SEC24D: variants seen among roughly 807,000 people sequenced by gnomAD.
SEC24D encodes the protein protein transport protein Sec24D.
A neutral mutation model predicts 116.9 loss-of-function variants in SEC24D; 69 were observed. The ratio of observed to expected loss-of-function variants is 0.59; its 90% CI spans 0.49 to 0.72. The LOEUF (loss-of-function observed/expected upper bound fraction) is 0.72. SEC24D is among the 30% of genes least tolerant of loss of function. The pLI, the probability that SEC24D is intolerant of heterozygous loss-of-function variation, is 0.00. For missense variants in SEC24D, 1,131 were observed against 1,264.1 expected, an observed-to-expected ratio of 0.89 and a Z score of 1.60; for synonymous variants, 405 against 442.8, an observed-to-expected ratio of 0.91 and a Z score of 1.07.
chr4:118,834,409 G>A (rs114019902), intron 1 of SEC24D, among the ~76,000 whole-genome samples: 6,649 of 152,112 alleles, frequency 0.044, 200 homozygotes, highest in Non-Finnish European at 0.064. Context: ...CCTATATTTA[G>A]GGGACTAAGG....
At chr4:118,744,226 T>C (rs148258805) in intron 14 of SEC24D, 68 bp from the exon 15 acceptor site, 1 of 1,348,180 alleles carries the variant, frequency 7.4e-7, no homozygotes, top group Admixed American at 2.8e-5. Context: ...AAATTTTAAA[T>C]TTCTATTGAA....
At chr4:118,791,806 G>A (rs1228400252) in intron 8 of SEC24D, among the ~76,000 whole-genome samples, 4 of 152,156 alleles carry the variant, frequency 2.6e-5, no homozygotes, top group African/African-American at 4.8e-5. Flanking sequence ...GATTGCAGAC[G>A]GAGTCTCGCT....
chr4:118,816,079 G>A (rs922934763), intron 4 of SEC24D, among the ~76,000 whole-genome samples: 2 of 141,926 alleles, frequency 1.4e-5, no homozygotes, highest in Admixed American at 7.4e-5. Context: ...ACACCACCAC[G>A]CCAAGTTCAT....
intron 17 of SEC24D, 45 bp from the exon 18 acceptor site, chr4:118,739,332 T>A: frequency 6.3e-7 from 1 of 1,584,878 alleles, no homozygotes. Context: ...GATTAACATA[T>A]CCACCCAAGC....
chr4:118,744,980 T>A lies in SEC24D; in HGVS notation c.1788A>T (p.Arg596Ser). Residue 596 changes from arginine (R) to serine (S), a missense_variant, in exon 14 of 23, where the codon AGA becomes AGT. By Grantham distance (110) the Arg-to-Ser change is moderately radical. Coordinates refer to ENST00000280551, the MANE Select transcript of SEC24D (RefSeq NM_014822.4). ...CTGTATTAACCAGTTTTTTGTCATC[T>A]CTGTTTTTGAGCTTCCCTGGTGCTT... is the stretch of plus-strand genomic sequence containing the variant. ...TAEAPGKLKNRDDKKLVNTDK... is the reference protein window; with the variant it reads ...TAEAPGKLKNSDDKKLVNTDK... The A allele has an allele frequency of 6.2e-7, 1 of 1,612,636 alleles. No homozygotes were observed. The highest frequency in any genetic ancestry group is 1.1e-5 in the South Asian group (1 of 91,022).
chr4:118,797,036 G>A (rs1729207067), intron 8 of SEC24D, among the ~76,000 whole-genome samples: 2 of 152,086 alleles, frequency 1.3e-5, no homozygotes, highest in African/African-American at 4.8e-5. Context: ...ATCACTCAGG[G>A]GCATCAAAAG....
intron 3 of SEC24D, among the ~76,000 whole-genome samples, chr4:118,821,714 T>A (rs569893330): frequency 6.6e-6 from 1 of 151,574 alleles, no homozygotes; most frequent in Non-Finnish European, 1.5e-5. Context: ...AGAAGAGTCA[T>A]ATGCCATCTA....
intron 22 of SEC24D, among the ~76,000 whole-genome samples, chr4:118,725,429 T>C (rs1412075952): frequency 6.6e-6 from 1 of 152,200 alleles, no homozygotes; most frequent in East Asian, 1.9e-4. Flanking sequence ...CTATTGTCCA[T>C]GATTGGTAGG....
At chr4:118,763,059 G>GT (rs1727464576) in intron 10 of SEC24D, among the ~76,000 whole-genome samples, 1 of 152,114 alleles carries the variant, frequency 6.6e-6, no homozygotes, top group Non-Finnish European at 1.5e-5. Context: ...TTCTTACATT[G>GT]AATTAAAACA....
At chr4:118,731,166 T>A in intron 21 of SEC24D, 150 bp downstream of exon 21, 1 of 673,772 alleles carries the variant, frequency 1.5e-6, no homozygotes. Context: ...AGCTAATTGA[T>A]ATTGATCAAA....
At chr4:118,802,893 C>A (rs1030873345) in intron 7 of SEC24D, among the ~76,000 whole-genome samples, 1 of 152,094 alleles carries the variant, frequency 6.6e-6, no homozygotes, top group Non-Finnish European at 1.5e-5. Context: ...GTATAAAAGA[C>A]GGAAAGTTAC....
intron 2 of SEC24D, among the ~76,000 whole-genome samples, chr4:118,831,680 T>C (rs1380562321): frequency 6.6e-6 from 1 of 151,930 alleles, no homozygotes. Context: ...ACAATTCTTC[T>C]CCCAGTGTGG....
chr4:118,732,264 G>A lies in SEC24D; in HGVS notation c.2676+469C>T, dbSNP rs146019392. Among the ~76,000 whole-genome samples the A allele has an allele frequency of 3.7e-3, 561 of 152,148 alleles. 4 individuals are homozygous for A. Among genetic ancestry groups the A allele is most frequent in the African/African-American group, 0.013 (540 of 41,514 alleles). ...ATTCCCCTGCCTCAGCCCCCCACGAGTAGCTGGGATTACAGGCACATACCA... is the reference window on the plus strand; with the variant it reads ...ATTCCCCTGCCTCAGCCCCCCACGAATAGCTGGGATTACAGGCACATACCA... On this transcript the variant is annotated intron_variant, in intron 20 of 22. Coordinates refer to ENST00000280551, the MANE Select transcript of SEC24D (RefSeq NM_014822.4).
intron 19 of SEC24D, chr4:118,735,954 A>C (rs1725935706): frequency 1.3e-5 from 2 of 151,160 alleles, no homozygotes; most frequent in African/African-American, 4.9e-5. Flanking sequence ...TTGGCCTCCC[A>C]AAGTGCTAGG....
chr4:118,769,247 ATCAT>A (rs1482266528), intron 8 of SEC24D, among the ~76,000 whole-genome samples: 1 of 152,206 alleles, frequency 6.6e-6, no homozygotes, highest in Non-Finnish European at 1.5e-5. Context: ...GAAAAAATAA[ATCAT>A]TCAATTGCTT....
intron 21 of SEC24D, chr4:118,729,007 T>C (rs1270946367): frequency 5.7e-6 from 1 of 175,474 alleles, no homozygotes; most frequent in East Asian, 1.5e-4. Flanking sequence ...AAAATGCATC[T>C]GTACTGAAAA....
At chr4:118,787,783 G>A (rs1182378528) in intron 8 of SEC24D, among the ~76,000 whole-genome samples, 1 of 152,034 alleles carries the variant, frequency 6.6e-6, no homozygotes, top group Admixed American at 6.5e-5. Context: ...CTCCAGCCTG[G>A]GTCAAAGAGT....
At chr4:118,749,000 T>C (rs775878826) in intron 13 of SEC24D, among the ~76,000 whole-genome samples, 6 of 152,074 alleles carry the variant, frequency 3.9e-5, no homozygotes, top group Non-Finnish European at 8.8e-5. Context: ...CTAAAGGCCA[T>C]TTTCTTCCAA....
At chr4:118,798,893 T>G (rs1205420020) in intron 7 of SEC24D, among the ~76,000 whole-genome samples, 1 of 152,126 alleles carries the variant, frequency 6.6e-6, no homozygotes, top group East Asian at 1.9e-4. Context: ...GGAGCCACTG[T>G]GGGGGGCACC....
Sources: gnomAD v4.1 joint callset for allele counts (sites outside exome capture counted in the v4.1 genomes callset) on GRCh38, gnomAD v4.1.1 for gene constraint, MANE v1.5 for transcripts, NCBI Gene and HGNC (gene_info 2026-07-23, HGNC 2026-07-21) for gene names.